Variants in LGR5 observed in about 807,000 individuals in gnomAD.
LGR5 encodes the protein leucine-rich repeat-containing G protein-coupled receptor 5.
A neutral mutation model predicts 76.7 loss-of-function variants in LGR5; 54 were observed. The ratio of observed to expected loss-of-function variants is 0.70; its 90% CI spans 0.57 to 0.88. The LOEUF is 0.88. LGR5 is among the 40% of genes least tolerant of loss of function. The pLI is 0.00. For synonymous variants in LGR5, 406 were observed against 421.9 expected, an observed-to-expected ratio of 0.96 and a Z score of 0.46; for missense variants, 1,078 against 1,073.3, an observed-to-expected ratio of 1.00 and a Z score of -0.06.
intron 1 of LGR5, among the ~76,000 whole-genome samples, chr12:71,490,849 TG>T (rs988825425): frequency 2.0e-5 from 3 of 152,196 alleles, no homozygotes; most frequent in Admixed American, 1.3e-4. Flanking sequence ...TTTTATTTGA[TG>T]GGAAGTTTGT....
chr12:71,448,959 G>A (rs1872138094), intron 1 of LGR5: 1 of 152,244 alleles, frequency 6.6e-6, no homozygotes, highest in Non-Finnish European at 1.5e-5. Flanking sequence ...ATAGAGAAAA[G>A]CCTAGAAAAA....
chr12:71,524,917 T>A (rs1875913421), intron 3 of LGR5, among the ~76,000 whole-genome samples: 3 of 152,346 alleles, frequency 2.0e-5, no homozygotes, highest in Admixed American at 6.5e-5. Flanking sequence ...GTGTTCCACC[T>A]GTGAATAGAT....
At chr12:71,579,285 A>G (rs942947534) in intron 15 of LGR5, among the ~76,000 whole-genome samples, 2 of 152,234 alleles carry the variant, frequency 1.3e-5, no homozygotes, top group East Asian at 1.9e-4. Context: ...GCTTGTATGT[A>G]CCTAATAAAA....
chr12:71,529,561 A>T (rs1302600382), intron 3 of LGR5, among the ~76,000 whole-genome samples: 6 of 152,164 alleles, frequency 3.9e-5, no homozygotes, highest in Non-Finnish European at 7.3e-5. Context: ...ACTAGTTTTT[A>T]TTCTAGTATC....
chr12:71,582,485 G>A lies in LGR5; in HGVS notation c.1582G>A (p.Asp528Asn), dbSNP rs766902607. The A allele has an allele frequency of 1.2e-6, 2 of 1,614,030 alleles. No individual in the cohort carries two copies. The highest frequency in any genetic ancestry group is 1.7e-6 in the Non-Finnish European group (2 of 1,179,968). ...ACGTGACCTTGAAGATTTCCTGCTT[G>A]ACTTTGAGGAAGACCTGAAAGCCCT... is the stretch of plus-strand genomic sequence containing the variant. ...DERDLEDFLL[D>N]FEEDLKALHS... The change falls in exon 17 of 18, where the codon GAC (aspartate) becomes AAC (asparagine). Residue 528 changes from aspartate (D) to asparagine (N), a missense_variant. By Grantham distance (23) the Asp-to-Asn change is conservative. Transcript: ENST00000266674.
In LGR5 at chr12:71,556,704, T is replaced by G. The variant is rs767707272; in HGVS notation, c.716+14T>G. 5.7e-6 allele frequency: 9 copies of G among 1,584,698 alleles called. No homozygotes were observed. The East Asian group carries it at 1.6e-4, about 28-fold the overall frequency. On this transcript the variant is annotated intron_variant, in intron 6 of 17. Coordinates refer to ENST00000266674, the MANE Select transcript of LGR5 (RefSeq NM_003667.4). ...CCTAGAGACTTTGTGAGTTGACCTT[T>G]TATTTGTTTCCCTTTTTTCAGTATT...
At chr12:71,530,839 G>A (rs1182684121) in intron 3 of LGR5, among the ~76,000 whole-genome samples, 4 of 150,666 alleles carry the variant, frequency 2.7e-5, no homozygotes, top group African/African-American at 7.3e-5. Flanking sequence ...TGTAGACCCA[G>A]AATAGAGCCT....
chr12:71,495,028 C>T (rs575642867), intron 1 of LGR5, among the ~76,000 whole-genome samples: 1 of 151,042 alleles, frequency 6.6e-6, no homozygotes, highest in East Asian at 1.9e-4. Context: ...TACCTTTTGC[C>T]TGGTTCCTTG....
intron 1 of LGR5, among the ~76,000 whole-genome samples, chr12:71,491,850 C>A (rs1408266282): frequency 6.7e-6 from 1 of 149,028 alleles, no homozygotes; most frequent in Non-Finnish European, 1.5e-5. Flanking sequence ...TTTGGAACCA[C>A]AGGAAATTTT....
At position 71,578,865 on chromosome 12, in the gene LGR5, T is replaced by G. The variant is rs1329646036; in HGVS notation, c.1342T>G (p.Leu448Val). Residue 448 changes from leucine to valine, a missense_variant, in exon 15 of 18, where the codon TTA becomes GTA. Coordinates refer to ENST00000266674, the MANE Select transcript of LGR5 (RefSeq NM_003667.4). ...PITGLHGLTH[L>V]KLTGNHALQS... is the part of the protein sequence containing the mutation. The stretch of plus-strand genomic sequence containing the variant: ...AACTGGGTTACATGGTTTAACTCAC[T>G]TAAAATTAACAGGAAATCATGCCTT... 3 of 1,612,822 alleles carry G rather than the reference T, an allele frequency of 1.9e-6. No individual in the cohort carries two copies. Among genetic ancestry groups the G allele is most frequent in the Non-Finnish European group, 2.5e-6 (3 of 1,179,276 alleles).
intron 5 of LGR5, among the ~76,000 whole-genome samples, chr12:71,554,928 G>C (rs564402752): frequency 1.7e-4 from 26 of 152,174 alleles, no homozygotes; most frequent in African/African-American, 5.1e-4. Context: ...AATGAGGAAG[G>C]CTTCTTCTCA....
chr12:71,500,615 T>C (rs968757003), intron 1 of LGR5, among the ~76,000 whole-genome samples: 5 of 151,994 alleles, frequency 3.3e-5, no homozygotes, highest in Admixed American at 1.3e-4. Context: ...TTTTTATTTA[T>C]TTATTTATTT....
At chr12:71,444,879 A>G (rs1300911336) in intron 1 of LGR5, among the ~76,000 whole-genome samples, 1 of 152,218 alleles carries the variant, frequency 6.6e-6, no homozygotes, top group African/African-American at 2.4e-5. Context: ...TATCAAAATT[A>G]AAGACATTAT....
rs77632104 is a variant in LGR5, at chr12:71,566,621, C to T, written c.930-11C>T. ...CTTCTACCAGTAATACTTATATACT[C>T]CTCTTTCTAGGACTCTGAATGGTGC... On this transcript the variant is annotated splice_polypyrimidine_tract_variant and intron_variant, in intron 9 of 17. Coordinates refer to ENST00000266674, the MANE Select transcript of LGR5 (RefSeq NM_003667.4). The T allele has an allele frequency of 6.5e-3, 10,381 of 1,607,328 alleles. 37 individuals carry two copies. Among genetic ancestry groups the T allele is most frequent in the Non-Finnish European group, 7.7e-3 (9,022 of 1,174,122 alleles).
At chr12:71,447,227 G>T (rs1458818446) in intron 1 of LGR5, among the ~76,000 whole-genome samples, 9 of 152,166 alleles carry the variant, frequency 5.9e-5, no homozygotes, top group African/African-American at 1.9e-4. Context: ...TTTAAACTTT[G>T]CATGCTTTGA....
chr12:71,574,404 C>T (rs1279671569), intron 13 of LGR5, among the ~76,000 whole-genome samples: 1 of 151,080 alleles, frequency 6.6e-6, no homozygotes, highest in African/African-American at 2.4e-5. Context: ...TTCCTTCTTC[C>T]CCTGTGACCT....
chr12:71,465,840 C>T (rs1322152263), intron 1 of LGR5, among the ~76,000 whole-genome samples: 1 of 152,174 alleles, frequency 6.6e-6, no homozygotes, highest in Non-Finnish European at 1.5e-5. Flanking sequence ...ATGGCCACTT[C>T]CTAACCACTC....
In LGR5 at chr12:71,455,148, G is replaced by T. The variant is rs146364044; in HGVS notation, c.212+14856G>T. On this transcript the variant is annotated intron_variant, in intron 1 of 17. Coordinates refer to ENST00000266674, the MANE Select transcript of LGR5 (RefSeq NM_003667.4). The stretch of plus-strand genomic sequence containing the variant: ...TCACAATTTCTGAGGGAAGGAGCTA[G>T]GCATCAGAATGTATTTAAACTCCCC... Among the ~76,000 whole-genome samples, 334 of 152,170 alleles carry T rather than the reference G, an allele frequency of 2.2e-3. 2 individuals carry two copies. Among genetic ancestry groups the T allele is most frequent in the African/African-American group, 7.2e-3 (299 of 41,500 alleles).
intron 1 of LGR5, among the ~76,000 whole-genome samples, chr12:71,496,517 A>G (rs1384559986): frequency 6.6e-6 from 1 of 152,224 alleles, no homozygotes; most frequent in East Asian, 1.9e-4. Context: ...TTAGAAAACT[A>G]TTTGGCAGTA....
Sources: gnomAD v4.1 joint callset for allele counts (sites outside exome capture counted in the v4.1 genomes callset) on GRCh38, gnomAD v4.1.1 for gene constraint, MANE v1.5 for transcripts, NCBI Gene and HGNC (gene_info 2026-07-23, HGNC 2026-07-21) for gene names.